Variants in ENTREP2 observed in about 807,000 individuals in gnomAD.
The protein encoded by ENTREP2 is endosomal transmembrane epsin interactor 2.
At chr15:29,451,830 G>A in the ENTREP2 span, among the ~76,000 whole-genome samples, 42 of 152,336 alleles carry the variant, frequency 2.8e-4, no homozygotes, top group African/African-American at 5.5e-4. Context: ...TGGAGGCAAC[G>A]CTCGGGGCAA....
chr15:29,589,794 C>A, the ENTREP2 span, among the ~76,000 whole-genome samples: 3 of 152,212 alleles, frequency 2.0e-5, no homozygotes, highest in Non-Finnish European at 4.4e-5. Flanking sequence ...AGACACCTGG[C>A]CTCCACTGGC....
chr15:29,298,195 T>C, the ENTREP2 span, among the ~76,000 whole-genome samples: 1 of 152,076 alleles, frequency 6.6e-6, no homozygotes, highest in Non-Finnish European at 1.5e-5. Context: ...TAGAAAATAA[T>C]TTGAACGGAA....
At chr15:29,640,249 T>C in the ENTREP2 span, among the ~76,000 whole-genome samples, 2,459 of 152,218 alleles carry the variant, frequency 0.016, 69 homozygotes, top group African/African-American at 0.056. Context: ...GCCAACAAAT[T>C]AGATGACTTA....
the ENTREP2 span, among the ~76,000 whole-genome samples, chr15:29,606,066 C>T: frequency 6.6e-6 from 1 of 151,966 alleles, no homozygotes; most frequent in Non-Finnish European, 1.5e-5. Flanking sequence ...AATTTGCTCC[C>T]CTAGACCTTA....
the ENTREP2 span, among the ~76,000 whole-genome samples, chr15:29,322,584 C>T: frequency 1.3e-5 from 2 of 152,206 alleles, no homozygotes; most frequent in Non-Finnish European, 2.9e-5. Context: ...CCTTTTGTTG[C>T]CCAGCAGACA....
the ENTREP2 span, among the ~76,000 whole-genome samples, chr15:29,667,252 A>C: frequency 8.2e-3 from 1,188 of 144,862 alleles, 15 homozygotes; most frequent in African/African-American, 0.029. Flanking sequence ...CAGTGGCGGG[A>C]TCTTGGCTCA....
chr15:29,286,777 G>A, the ENTREP2 span, among the ~76,000 whole-genome samples: 1 of 152,218 alleles, frequency 6.6e-6, no homozygotes, highest in Non-Finnish European at 1.5e-5. Flanking sequence ...TTATGTAATT[G>A]AGTGTCCTGT....
chr15:29,192,101 A>C, the ENTREP2 span, among the ~76,000 whole-genome samples: 3,608 of 152,302 alleles, frequency 0.024, 62 homozygotes, highest in Non-Finnish European at 0.035. Context: ...AAAGTGGTAC[A>C]TATAAGCTTT....
At chr15:29,475,253 G>A in the ENTREP2 span, among the ~76,000 whole-genome samples, 1 of 152,140 alleles carries the variant, frequency 6.6e-6, no homozygotes, top group Non-Finnish European at 1.5e-5. Context: ...CGCTGAGAGA[G>A]TACAGGCTCA....
the ENTREP2 span, among the ~76,000 whole-genome samples, chr15:29,299,072 G>T: frequency 6.6e-6 from 1 of 152,194 alleles, no homozygotes; most frequent in Non-Finnish European, 1.5e-5. Flanking sequence ...ACCACATAAG[G>T]TTGGATCCAG....
the ENTREP2 span, among the ~76,000 whole-genome samples, chr15:29,673,807 A>G: frequency 6.6e-6 from 1 of 152,212 alleles, no homozygotes; most frequent in Non-Finnish European, 1.5e-5. Flanking sequence ...AATGACAAGG[A>G]CAGCTTGGGG....
At chr15:29,312,368 G>C in the ENTREP2 span, among the ~76,000 whole-genome samples, 1 of 151,566 alleles carries the variant, frequency 6.6e-6, no homozygotes, top group Non-Finnish European at 1.5e-5. Flanking sequence ...TAATAAGAAA[G>C]CTGGTTGTAT....
chr15:29,398,392 C>T, the ENTREP2 span, among the ~76,000 whole-genome samples: 3 of 151,900 alleles, frequency 2.0e-5, no homozygotes, highest in Admixed American at 6.6e-5. Flanking sequence ...GCATGGAAGA[C>T]GTCCAATAGA....
the ENTREP2 span, chr15:29,136,638 T>A: frequency 1.1e-6 from 1 of 942,716 alleles, no homozygotes; most frequent in Non-Finnish European, 1.5e-6. Context: ...AATCAAAGCT[T>A]CAGTCACTGG....
chr15:29,489,150 G>GAAA, the ENTREP2 span, among the ~76,000 whole-genome samples: 7 of 151,596 alleles, frequency 4.6e-5, no homozygotes, highest in African/African-American at 1.2e-4. Flanking sequence ...TAAAACATGG[G>GAAA]AAAAACTGGC....
At chr15:29,260,485 C>A in the ENTREP2 span, among the ~76,000 whole-genome samples, 2 of 152,100 alleles carry the variant, frequency 1.3e-5, no homozygotes, top group East Asian at 1.9e-4. Flanking sequence ...GCAAGAAAGT[C>A]GATCAATGTA....
the ENTREP2 span, among the ~76,000 whole-genome samples, chr15:29,275,019 G>A: frequency 6.6e-6 from 1 of 152,204 alleles, no homozygotes; most frequent in African/African-American, 2.4e-5. Context: ...TCTTGGTACA[G>A]TAAAGCTATT....
chr15:29,569,951 C>T, the ENTREP2 span: 1 of 152,088 alleles, frequency 6.6e-6, no homozygotes, highest in South Asian at 2.1e-4. Flanking sequence ...GTCCCCGAAG[C>T]CAAGTCAGCG....
the ENTREP2 span, among the ~76,000 whole-genome samples, chr15:29,634,663 C>A: frequency 6.6e-6 from 1 of 152,156 alleles, no homozygotes; most frequent in Non-Finnish European, 1.5e-5. Context: ...CCCAAGACTA[C>A]CCCCCTTCCC....
Sources: allele counts gnomAD v4.1 joint callset (sites outside exome capture counted in the v4.1 genomes callset), GRCh38; gene constraint gnomAD v4.1.1; transcripts MANE v1.5; gene names NCBI Gene and HGNC (gene_info 2026-07-23, HGNC 2026-07-21).